Variants in DNER observed in about 807,000 individuals in gnomAD.
DNER encodes delta/notch like EGF repeat containing.
A neutral mutation model predicts 78.2 loss-of-function variants in DNER; 33 were observed. That is an observed-to-expected ratio of 0.42 (90% confidence interval 0.32 to 0.56). The LOEUF (loss-of-function observed/expected upper bound fraction) is 0.56, where lower values mean the gene tolerates loss of function less well. Among genes scored for constraint, DNER ranks in the 20% least tolerant of loss-of-function variants. The pLI is 0.11. For missense variants in DNER, 918 were observed against 975.3 expected (o/e 0.94, Z 0.78); for synonymous variants, 417 against 384.8 (o/e 1.08, Z -0.98).
At chr2:229,658,871 C>G (rs1264207132) in intron 1 of DNER, among the ~76,000 whole-genome samples, 1 of 152,096 alleles carries the variant, frequency 6.6e-6, no homozygotes, top group African/African-American at 2.4e-5. Context: ...CAACACTCAT[C>G]ATATAAAAAT....
chr2:229,463,866 G>T (rs1392864063), intron 7 of DNER, among the ~76,000 whole-genome samples: 1 of 152,232 alleles, frequency 6.6e-6, no homozygotes, highest in Non-Finnish European at 1.5e-5. Flanking sequence ...TTGAGATAAT[G>T]AGAGAACACG....
chr2:229,509,952 C>A (rs1695830588), intron 6 of DNER, among the ~76,000 whole-genome samples: 1 of 152,118 alleles, frequency 6.6e-6, no homozygotes, highest in African/African-American at 2.4e-5. Context: ...TGGAGAGAGA[C>A]TTATCTTGAA....
intron 8 of DNER, among the ~76,000 whole-genome samples, chr2:229,442,037 T>G (rs764976025): frequency 6.6e-6 from 1 of 152,136 alleles, no homozygotes; most frequent in Non-Finnish European, 1.5e-5. Flanking sequence ...TGCAGCTGGG[T>G]GATCAGGATT....
intron 5 of DNER, 117 bp downstream of exon 5, chr2:229,546,830 C>CAGACAGAT (rs1408245684): frequency 9.1e-6 from 11 of 1,214,766 alleles, no homozygotes; most frequent in African/African-American, 1.6e-5. Context: ...GACAGACAGA[C>CAGACAGAT]AGATAGATAG....
chr2:229,666,302 G>C (rs796642496), intron 1 of DNER, among the ~76,000 whole-genome samples: 1 of 152,080 alleles, frequency 6.6e-6, no homozygotes, highest in African/African-American at 2.4e-5. Flanking sequence ...CAAATCATTG[G>C]CATCTCTCCC....
intron 1 of DNER, among the ~76,000 whole-genome samples, chr2:229,618,580 C>T (rs951823503): frequency 6.6e-6 from 1 of 152,172 alleles, no homozygotes; most frequent in African/African-American, 2.4e-5. Flanking sequence ...CACAGCCCAC[C>T]CCAGTGAATT....
chr2:229,555,960 TTCTCTAGTTTCACA>T (rs1218930821), intron 4 of DNER, among the ~76,000 whole-genome samples: 7 of 152,368 alleles, frequency 4.6e-5, no homozygotes, highest in African/African-American at 1.7e-4. Flanking sequence ...CTTTGCTTCA[TTCTCTAGTTTCACA>T]TTAAACTATT....
intron 1 of DNER, among the ~76,000 whole-genome samples, chr2:229,694,784 G>T (rs1297634277): frequency 6.6e-6 from 1 of 152,204 alleles, no homozygotes; most frequent in Non-Finnish European, 1.5e-5. Context: ...GAAGGAACTT[G>T]CCTTGTCTCA....
chr2:229,625,801 AG>A (rs975706168), intron 1 of DNER, among the ~76,000 whole-genome samples: 59 of 152,322 alleles, frequency 3.9e-4, no homozygotes, highest in Admixed American at 2.0e-4. Context: ...GACAGCAAAA[AG>A]GTCCAGTTTG....
chr2:229,459,009 A>G (rs1348562718), intron 7 of DNER, among the ~76,000 whole-genome samples: 11 of 152,048 alleles, frequency 7.2e-5, no homozygotes, highest in Admixed American at 7.2e-4. Context: ...TTTTACTGGC[A>G]TTTATAATAT....
At chr2:229,711,637 G>A (rs530966832) in intron 1 of DNER, among the ~76,000 whole-genome samples, 5 of 152,296 alleles carry the variant, frequency 3.3e-5, no homozygotes, top group East Asian at 1.9e-4. Flanking sequence ...TCAAGGTTAG[G>A]TTCTAATGTT....
At chr2:229,489,201 G>C (rs202225320) in intron 6 of DNER, among the ~76,000 whole-genome samples, 1 of 152,210 alleles carries the variant, frequency 6.6e-6, no homozygotes, top group Non-Finnish European at 1.5e-5. Context: ...CATGGCCTGC[G>C]GGGAGGGTGC....
chr2:229,361,403 G>T (rs1199433765), intron 12 of DNER, among the ~76,000 whole-genome samples: 1 of 152,122 alleles, frequency 6.6e-6, no homozygotes, highest in Non-Finnish European at 1.5e-5. Flanking sequence ...TAGACTAGGG[G>T]TTAGCAAACT....
chr2:229,616,241 C>T (rs1047165535), intron 1 of DNER, among the ~76,000 whole-genome samples: 13 of 152,322 alleles, frequency 8.5e-5, no homozygotes, highest in African/African-American at 2.6e-4. Flanking sequence ...CACCATGGGC[C>T]GTGTGATGTG....
chr2:229,397,573 G>A (rs1394999187), intron 10 of DNER, among the ~76,000 whole-genome samples: 1 of 150,834 alleles, frequency 6.6e-6, no homozygotes, highest in Non-Finnish European at 1.5e-5. Context: ...ATAACAGAAT[G>A]CACAATCTTT....
intron 4 of DNER, among the ~76,000 whole-genome samples, chr2:229,564,787 C>T (rs1485012929): frequency 2.6e-5 from 4 of 152,082 alleles, no homozygotes; most frequent in Non-Finnish European, 5.9e-5. Context: ...AAAATGGAGT[C>T]CTGGCTTATT....
intron 1 of DNER, among the ~76,000 whole-genome samples, chr2:229,707,108 G>A (rs1699840468): frequency 1.3e-5 from 2 of 151,508 alleles, no homozygotes; most frequent in Admixed American, 1.3e-4. Context: ...CTGCCTTCAG[G>A]ATTCAAGTGA....
chr2:229,688,607 G>A (rs1699522792), intron 1 of DNER, among the ~76,000 whole-genome samples: 1 of 152,074 alleles, frequency 6.6e-6, no homozygotes, highest in African/African-American at 2.4e-5. Flanking sequence ...GAAATACCAC[G>A]TTTCTAACAC....
In DNER at chr2:229,446,537, A is replaced by C. The variant is rs543295098; in HGVS notation, c.1486+779T>G. Among the ~76,000 whole-genome samples, 12 of 152,166 alleles carry C rather than the reference A, an allele frequency of 7.9e-5. No individual in the cohort carries two copies. In the South Asian group the frequency reaches 2.5e-3, roughly 32 times the overall value. On this transcript the variant is annotated intron_variant, in intron 8 of 12. Transcript: ENST00000341772. Reference sequence around the variant, plus strand: ...CCAGCCATACTGACTGGCCAGGGAGATGTGTGGGGATTCATTGTGCTGGGA... The same window carrying C: ...CCAGCCATACTGACTGGCCAGGGAGCTGTGTGGGGATTCATTGTGCTGGGA...
Sources: gnomAD v4.1 joint callset for allele counts (sites outside exome capture counted in the v4.1 genomes callset) on GRCh38, gnomAD v4.1.1 for gene constraint, MANE v1.5 for transcripts, NCBI Gene and HGNC (gene_info 2026-07-23, HGNC 2026-07-21) for gene names.